The following KCNK2 variants were observed in gnomAD, a reference collection of about 807,000 sequenced individuals.
KCNK2 encodes potassium two pore domain channel subfamily K member 2.
A neutral mutation model predicts 40.5 loss-of-function variants in KCNK2; 21 were observed. That is an observed-to-expected ratio of 0.52 (90% CI 0.37 to 0.75). The LOEUF (loss-of-function observed/expected upper bound fraction) is 0.75. Ranked by LOEUF, KCNK2 falls within the 30% of genes least tolerant of loss-of-function variation. The pLI, the probability that KCNK2 is intolerant of heterozygous loss-of-function variation, is 0.00. For missense variants in KCNK2, 399 were observed against 531.6 expected (o/e 0.75, Z 2.45); for synonymous variants, 191 against 202.2 (o/e 0.94, Z 0.47).
chr1:215,107,993 G>A (rs1231244185), intron 2 of KCNK2, among the ~76,000 whole-genome samples: 3 of 152,108 alleles, frequency 2.0e-5, no homozygotes, highest in South Asian at 2.1e-4. Context: ...GACCAATGGC[G>A]GTCAGGGGAG....
intron 5 of KCNK2, among the ~76,000 whole-genome samples, chr1:215,182,675 C>T (rs912399499): frequency 1.3e-5 from 2 of 152,160 alleles, no homozygotes; most frequent in African/African-American, 4.8e-5. Flanking sequence ...AAGCTCCTAC[C>T]CCACTCGAGA....
intron 2 of KCNK2, among the ~76,000 whole-genome samples, chr1:215,115,674 CT>C (rs1170660667): frequency 6.6e-6 from 1 of 152,058 alleles, no homozygotes; most frequent in Admixed American, 6.6e-5. Context: ...CTCTCCTTGC[CT>C]TTTGGTTTCT....
At chr1:215,158,254 G>A (rs1280780245) in intron 3 of KCNK2, among the ~76,000 whole-genome samples, 1 of 152,182 alleles carries the variant, frequency 6.6e-6, no homozygotes, top group East Asian at 1.9e-4. Context: ...CAAGGGACTT[G>A]TCTCCATTTT....
chr1:215,133,964 A>AC (rs1661784094), intron 3 of KCNK2, among the ~76,000 whole-genome samples: 1 of 152,144 alleles, frequency 6.6e-6, no homozygotes, highest in Non-Finnish European at 1.5e-5. Context: ...TTTAAAGCAA[A>AC]AACAACAAAC....
chr1:215,138,149 TGA>T (rs995178550), intron 3 of KCNK2, among the ~76,000 whole-genome samples: 52 of 152,238 alleles, frequency 3.4e-4, no homozygotes, highest in African/African-American at 1.2e-3. Context: ...CTTCAAAAAC[TGA>T]GTATATAGGG....
rs1355645793 is a variant in KCNK2 at position 215,235,301 on chromosome 1, G to A, written c.*156G>A. On this transcript the variant is annotated 3_prime_UTR_variant, in exon 7 of 7. Transcript: ENST00000444842. The stretch of plus-strand genomic sequence containing the variant: ...GGTCATCTATCATCAAGAGAATTTG[G>A]AATTCTGAGCCAGCACTTTCTTTCT... 1.7e-6 allele frequency: 1 copy of A among 598,706 alleles called. No homozygotes were observed. Among genetic ancestry groups the A allele is most frequent in the African/African-American group, 1.8e-5 (1 of 54,236 alleles). The allele number at this position is 598,706 out of a possible 1,614,324, so 37.1% of individuals were successfully genotyped here. A position where few individuals can be genotyped will look rare whatever the true frequency, so the allele number is the denominator to read the frequency against.
intron 1 of KCNK2, among the ~76,000 whole-genome samples, chr1:215,010,127 A>G (rs1188757953): frequency 1.3e-5 from 2 of 152,202 alleles, no homozygotes; most frequent in East Asian, 1.9e-4. Context: ...ATTTGAGTCT[A>G]GTAATCAGAT....
Position 215,112,601 on chromosome 1 carries a change from A to G in KCNK2, c.358-12032A>G, listed in dbSNP as rs1160137207. Among the ~76,000 whole-genome samples the G allele has an allele frequency of 2.0e-5, 3 of 152,008 alleles. No individual in the cohort carries two copies. In the East Asian group the frequency reaches 5.8e-4, roughly 29 times the overall value. On this transcript the variant is annotated intron_variant, in intron 2 of 6. Transcript: ENST00000444842. ...TCCTAGGCCTTCACATTCACTCACCACTCACTCACTGGCTCACCCAGAACA... is the reference window on the plus strand; with the variant it reads ...TCCTAGGCCTTCACATTCACTCACCGCTCACTCACTGGCTCACCCAGAACA...
At chr1:215,182,232 C>T (rs1171976782) in intron 5 of KCNK2, among the ~76,000 whole-genome samples, 1 of 152,050 alleles carries the variant, frequency 6.6e-6, no homozygotes, top group Admixed American at 6.5e-5. Flanking sequence ...GGCCCCACTG[C>T]ACCATGATCT....
In KCNK2 at chr1:215,083,157, T is replaced by G; in HGVS notation, c.-229T>G. ...CCTCGCCCTCTGCCCAGCCCGCCGG[T>G]GTCCCCTCCTTCCCGCGATTTCGTT... On this transcript the variant is annotated 5_prime_UTR_variant, in exon 1 of 7. Coordinates refer to ENST00000444842, the MANE Select transcript of KCNK2 (RefSeq NM_001017425.3). 6.5e-6 allele frequency: 6 copies of G among 918,044 alleles called. No homozygotes were observed. Among genetic ancestry groups the G allele is most frequent in the Non-Finnish European group, 8.4e-6 (5 of 595,666 alleles). The allele number at this position is 918,044 out of a possible 1,614,324, so 56.9% of individuals were successfully genotyped here.
At chr1:215,160,480 T>C (rs1663144592) in intron 3 of KCNK2, among the ~76,000 whole-genome samples, 1 of 152,194 alleles carries the variant, frequency 6.6e-6, no homozygotes, top group South Asian at 2.1e-4. Context: ...CACAGGTTTA[T>C]TGTATGGCTT....
intron 5 of KCNK2, among the ~76,000 whole-genome samples, chr1:215,173,350 T>C (rs1663809410): frequency 6.6e-6 from 1 of 152,246 alleles, no homozygotes; most frequent in African/African-American, 2.4e-5. Context: ...GTGCCACATT[T>C]TCTTAATCCA....
chr1:215,224,954 T>C (rs1666325275), intron 6 of KCNK2, among the ~76,000 whole-genome samples: 1 of 152,112 alleles, frequency 6.6e-6, no homozygotes, highest in Non-Finnish European at 1.5e-5. Context: ...AGCAAATAAA[T>C]AGCACCTCAT....
intron 5 of KCNK2, among the ~76,000 whole-genome samples, chr1:215,183,231 C>T (rs1025995455): frequency 1.3e-5 from 2 of 152,060 alleles, no homozygotes; most frequent in Admixed American, 1.3e-4. Flanking sequence ...TTTAGTGGCA[C>T]AAGAATTCAG....
In KCNK2 at chr1:215,118,830, G is replaced by A. The variant is rs558756526; in HGVS notation, c.358-5803G>A. On this transcript the variant is annotated intron_variant, in intron 2 of 6. Transcript: ENST00000444842. ...TAGGTGTTAACCCCTTGTACCTGCA[G>A]TTCAGAATTTTCTTTATCACTTAAA... 7.1e-4 allele frequency among the ~76,000 whole-genome samples: 108 copies of A among 152,232 alleles called. 1 individual carries two copies. Among genetic ancestry groups the A allele is most frequent in the African/African-American group, 2.5e-3 (102 of 41,566 alleles).
chr1:215,138,901 C>A (rs1016057582), intron 3 of KCNK2, among the ~76,000 whole-genome samples: 1 of 152,082 alleles, frequency 6.6e-6, no homozygotes, highest in Non-Finnish European at 1.5e-5. Flanking sequence ...TTTTTAAATT[C>A]ATGGAAACTC....
chr1:215,229,197 G>C (rs978758877), intron 6 of KCNK2, among the ~76,000 whole-genome samples: 8 of 147,874 alleles, frequency 5.4e-5, no homozygotes, highest in Non-Finnish European at 8.9e-5. Flanking sequence ...ATAAGGTCAA[G>C]ATTGTTTTTC....
chr1:215,090,783 A>T (rs545850349), intron 2 of KCNK2, among the ~76,000 whole-genome samples: 3 of 152,172 alleles, frequency 2.0e-5, no homozygotes, highest in Non-Finnish European at 4.4e-5. Flanking sequence ...AAGATATTCT[A>T]TCTGTTTTGT....
rs185068593 is a variant in KCNK2, at chr1:215,167,880, T to C, written c.476-1319T>C. Among the ~76,000 whole-genome samples the C allele has an allele frequency of 6.4e-4, 97 of 152,270 alleles. 1 individual carries two copies. Among genetic ancestry groups the C allele is most frequent in the African/African-American group, 2.0e-3 (85 of 41,558 alleles). On this transcript the variant is annotated intron_variant, in intron 3 of 6. Coordinates refer to ENST00000444842, the MANE Select transcript of KCNK2 (RefSeq NM_001017425.3). ...GCCAACATTGAAAAATGGAGTATAA[T>C]TAAGCCAAAGAGCTTCTTCACAGCA...
Sources: allele counts gnomAD v4.1 joint callset (sites outside exome capture counted in the v4.1 genomes callset), GRCh38; gene constraint gnomAD v4.1.1; transcripts MANE v1.5; gene names NCBI Gene and HGNC (gene_info 2026-07-23, HGNC 2026-07-21).